Variants in FOXP1 observed in about 807,000 individuals in gnomAD.
The protein encoded by FOXP1 is forkhead box P1.
In FOXP1, 15 loss-of-function variants were observed where a neutral mutation model predicts 98.2. The ratio of observed to expected loss-of-function variants is 0.15; its 90% CI spans 0.10 to 0.24. FOXP1 has a LOEUF of 0.24. FOXP1 is among the 10% of genes least tolerant of loss of function. The pLI is 1.00. For missense variants in FOXP1, 633 were observed against 848.5 expected, an observed-to-expected ratio of 0.75 and a Z score of 3.15; for synonymous variants, 371 against 314.5, an observed-to-expected ratio of 1.18 and a Z score of -1.90.
chr3:71,162,109 G>A (rs1324326620), intron 6 of FOXP1, among the ~76,000 whole-genome samples: 3 of 152,198 alleles, frequency 2.0e-5, no homozygotes, highest in Admixed American at 2.0e-4. Context: ...TAGACACCAA[G>A]CATACAGCCA....
At chr3:70,999,109 A>T (rs2041785800) in intron 13 of FOXP1, among the ~76,000 whole-genome samples, 1 of 151,696 alleles carries the variant, frequency 6.6e-6, no homozygotes. Flanking sequence ...TTTTTTTTTG[A>T]GATGGAGTCT....
intron 13 of FOXP1, among the ~76,000 whole-genome samples, chr3:70,999,644 C>T (rs1415616106): frequency 6.6e-6 from 1 of 151,982 alleles, no homozygotes; most frequent in Non-Finnish European, 1.5e-5. Context: ...ACAAATCCTA[C>T]TAAAAAAATG....
intron 2 of FOXP1, among the ~76,000 whole-genome samples, chr3:71,531,374 A>G (rs1578041498): frequency 6.6e-6 from 1 of 152,226 alleles, no homozygotes. Context: ...GCCTGGCTCC[A>G]GTTACAGCTG....
At chr3:71,532,810 G>C (rs965085971) in intron 2 of FOXP1, among the ~76,000 whole-genome samples, 1 of 152,052 alleles carries the variant, frequency 6.6e-6, no homozygotes, top group African/African-American at 2.4e-5. Context: ...CAACAACTAA[G>C]TTTACACTGG....
intron 1 of FOXP1, among the ~76,000 whole-genome samples, chr3:71,583,249 C>T (rs1448854510): frequency 6.6e-6 from 1 of 152,048 alleles, no homozygotes; most frequent in East Asian, 2.0e-4. Flanking sequence ...CCGCCCCCGC[C>T]CCCATTTGAC....
At chr3:71,054,086 G>C (rs2107143975) in intron 7 of FOXP1, among the ~76,000 whole-genome samples, 1 of 152,356 alleles carries the variant, frequency 6.6e-6, no homozygotes, top group South Asian at 2.1e-4. Flanking sequence ...TTGAGAGTGA[G>C]TTTTTGGTCA....
intron 6 of FOXP1, among the ~76,000 whole-genome samples, chr3:71,196,131 TCAA>T (rs1316752272): frequency 6.6e-6 from 1 of 152,174 alleles, no homozygotes; most frequent in Non-Finnish European, 1.5e-5. Flanking sequence ...CCAAAATGTG[TCAA>T]CGACATACGG....
intron 5 of FOXP1, among the ~76,000 whole-genome samples, chr3:71,244,599 T>C (rs185582462): frequency 1.3e-5 from 2 of 151,790 alleles, no homozygotes; most frequent in Admixed American, 6.6e-5. Context: ...AATGAAACTG[T>C]TGTGGCTGCC....
At chr3:71,142,023 C>G (rs1032984099) in intron 6 of FOXP1, among the ~76,000 whole-genome samples, 2 of 152,174 alleles carry the variant, frequency 1.3e-5, no homozygotes, top group Non-Finnish European at 2.9e-5. Context: ...TGTTGTTCAA[C>G]TAATCCTATG....
chr3:71,373,699 G>T lies in FOXP1; in HGVS notation c.-167-14455C>A, dbSNP rs965219192. ...CTCTGAAACACATTATCAGGAGAAG[G>T]TTTAATGAACTCGATCATCTCAAAG... On this transcript the variant is annotated intron_variant, in intron 3 of 20. Transcript: ENST00000649528. Among the ~76,000 whole-genome samples, 134 of 152,324 alleles carry T rather than the reference G, an allele frequency of 8.8e-4. 1 individual carries two copies. Among genetic ancestry groups the T allele is most frequent in the African/African-American group, 2.9e-3 (122 of 41,564 alleles).
chr3:71,486,532 G>C (rs953036370), intron 3 of FOXP1, among the ~76,000 whole-genome samples: 1 of 152,040 alleles, frequency 6.6e-6, no homozygotes, highest in African/African-American at 2.4e-5. Context: ...CGGGCCAAGA[G>C]GGTAACAATT....
intron 7 of FOXP1, chr3:71,065,072 G>GCCCGCGCCCCGCGGCCCGCGC (rs1553720045): frequency 6.8e-6 from 1 of 146,984 alleles, no homozygotes; most frequent in Admixed American, 6.8e-5. Flanking sequence ...GGGCTCCGCG[G>GCCCGCGCCCCGCGGCCCGCGC]CCCGCGCCCC....
At chr3:71,558,146 C>T (rs1010426712) in intron 2 of FOXP1, among the ~76,000 whole-genome samples, 1 of 152,202 alleles carries the variant, frequency 6.6e-6, no homozygotes, top group African/African-American at 2.4e-5. Flanking sequence ...AGAGAATCTT[C>T]CTTCCCTCCC....
chr3:71,222,535 T>C (rs1447187998), intron 5 of FOXP1, among the ~76,000 whole-genome samples: 3 of 152,062 alleles, frequency 2.0e-5, no homozygotes, highest in Non-Finnish European at 4.4e-5. Context: ...TCTCATGCCT[T>C]AGCCTCCAGA....
At chr3:71,383,164 G>A (rs1577229135) in intron 3 of FOXP1, among the ~76,000 whole-genome samples, 1 of 152,328 alleles carries the variant, frequency 6.6e-6, no homozygotes, top group Non-Finnish European at 1.5e-5. Flanking sequence ...AAACTGACAT[G>A]AGAAGATGGG....
intron 2 of FOXP1, among the ~76,000 whole-genome samples, chr3:71,562,687 C>T (rs960620172): frequency 1.3e-5 from 2 of 152,154 alleles, no homozygotes; most frequent in Non-Finnish European, 2.9e-5. Context: ...GAAATTGACC[C>T]AAGGTCACCC....
At chr3:71,280,321 C>CTTTT (rs145186097) in intron 5 of FOXP1, among the ~76,000 whole-genome samples, 27,002 of 147,750 alleles carry the variant, frequency 0.18, 2,994 homozygotes, top group African/African-American at 0.3. Flanking sequence ...TTTACAATAT[C>CTTTT]TTTTTTTTTT....
At chr3:71,007,446 C>T (rs998761489) in intron 12 of FOXP1, among the ~76,000 whole-genome samples, 7 of 152,144 alleles carry the variant, frequency 4.6e-5, no homozygotes, top group Non-Finnish European at 1.0e-4. Flanking sequence ...TTTATGATAT[C>T]CGGCCTCCTT....
intron 5 of FOXP1, among the ~76,000 whole-genome samples, chr3:71,235,932 A>G (rs1471280256): frequency 6.6e-6 from 1 of 152,252 alleles, no homozygotes; most frequent in East Asian, 1.9e-4. Flanking sequence ...CTAGGTAAAG[A>G]ACATATATTA....
Sources: gnomAD v4.1 joint callset for allele counts (sites outside exome capture counted in the v4.1 genomes callset) on GRCh38, gnomAD v4.1.1 for gene constraint, MANE v1.5 for transcripts, NCBI Gene and HGNC (gene_info 2026-07-23, HGNC 2026-07-21) for gene names.